Variants in ARHGEF4 observed in about 807,000 individuals in gnomAD.
ARHGEF4 encodes Rho guanine nucleotide exchange factor 4, also known as APC-stimulated guanine nucleotide exchange factor 1.
Under a neutral mutation model 162.0 loss-of-function variants are expected in ARHGEF4, and 119 were observed. The ratio of observed to expected loss-of-function variants is 0.73; its 90% confidence interval spans 0.63 to 0.86. ARHGEF4 has a LOEUF of 0.86. ARHGEF4 is among the 40% of genes least tolerant of loss of function. ARHGEF4 has a pLI of 0.00. For missense variants in ARHGEF4, 2,488 were observed against 2,456.0 expected (o/e 1.01, Z -0.28); for synonymous variants, 1,014 against 979.9 (o/e 1.03, Z -0.65).
intron 3 of ARHGEF4, among the ~76,000 whole-genome samples, chr2:130,936,912 T>C (rs1224512365): frequency 2.1e-5 from 3 of 142,348 alleles, no homozygotes; most frequent in South Asian, 4.6e-4. Flanking sequence ...TTTCTTTTTT[T>C]TTTTTTTTTT....
chr2:131,019,803 T>G (rs1400961294), intron 4 of ARHGEF4, among the ~76,000 whole-genome samples: 4 of 152,108 alleles, frequency 2.6e-5, no homozygotes, highest in Non-Finnish European at 4.4e-5. Flanking sequence ...CCGGCTAATT[T>G]TTTTGTATTT....
At position 131,040,515 on chromosome 2, in the gene ARHGEF4, G is replaced by T. The variant is rs1690723005; in HGVS notation, c.4662+75G>T. 5 of 1,457,648 alleles carry T rather than the reference G, an allele frequency of 3.4e-6. No individual in the cohort carries two copies. The East Asian group carries it at 9.9e-5, about 29-fold the overall frequency. 90.3% of individuals were successfully genotyped at this position (1,457,648 alleles called of 1,614,324 possible). On this transcript the variant is annotated intron_variant, in intron 8 of 13. Coordinates refer to ENST00000409359, the MANE Select transcript of ARHGEF4 (RefSeq NM_001367493.1). ...TGCCGCGGGCGCCAGCGCGGACAGC[G>T]GGTGGCTGGTCCCAAAACCTTCCAC... is the stretch of plus-strand genomic sequence containing the variant.
At chr2:130,990,490 C>T (rs1442164334) in intron 4 of ARHGEF4, among the ~76,000 whole-genome samples, 52 of 152,094 alleles carry the variant, frequency 3.4e-4, no homozygotes, top group Admixed American at 2.9e-3. Context: ...AAAGAACTTC[C>T]CAGTTCTGCA....
At chr2:130,946,729 G>T (rs934732463) in intron 4 of ARHGEF4, 94 bp downstream of exon 4, 36 of 1,551,290 alleles carry the variant, frequency 2.3e-5, no homozygotes, top group Non-Finnish European at 3.1e-5. Flanking sequence ...CCACTTGCCT[G>T]GTAGAAGTAG....
intron 4 of ARHGEF4, among the ~76,000 whole-genome samples, chr2:130,998,112 C>T (rs528605401): frequency 6.6e-6 from 1 of 152,282 alleles, no homozygotes; most frequent in Admixed American, 6.5e-5. Flanking sequence ...CTCTTGATGC[C>T]CACTTCTACA....
At chr2:130,874,437 G>A (rs1268825214) in intron 1 of ARHGEF4, among the ~76,000 whole-genome samples, 3 of 152,190 alleles carry the variant, frequency 2.0e-5, no homozygotes, top group Non-Finnish European at 4.4e-5. Context: ...CTGTCTGTGT[G>A]GCCTTGGAGG....
chr2:130,973,476 A>T (rs1163941482), intron 4 of ARHGEF4, among the ~76,000 whole-genome samples: 1 of 152,168 alleles, frequency 6.6e-6, no homozygotes, highest in Non-Finnish European at 1.5e-5. Context: ...GTGGCAGAGC[A>T]AGACTGTGTC....
intron 6 of ARHGEF4, chr2:131,039,744 C>T (rs1428458185): frequency 6.6e-6 from 9 of 1,356,028 alleles, no homozygotes; most frequent in Non-Finnish European, 8.5e-6. Context: ...GCAAGCGCTC[C>T]AGCCTCTGTG....
chr2:130,989,843 G>C (rs1244820664), intron 4 of ARHGEF4, among the ~76,000 whole-genome samples: 1 of 152,196 alleles, frequency 6.6e-6, no homozygotes, highest in Non-Finnish European at 1.5e-5. Context: ...ATCTAATCTG[G>C]AGCCTGAGTT....
intron 4 of ARHGEF4, among the ~76,000 whole-genome samples, chr2:131,013,674 C>T (rs1362893428): frequency 5.2e-4 from 79 of 152,210 alleles, no homozygotes; most frequent in Non-Finnish European, 1.9e-4. Flanking sequence ...GATCTTGGCT[C>T]ACTGCAACCT....
intron 2 of ARHGEF4, among the ~76,000 whole-genome samples, chr2:130,920,892 T>C (rs1681832346): frequency 6.6e-6 from 1 of 152,156 alleles, no homozygotes; most frequent in Admixed American, 6.5e-5. Flanking sequence ...AGTCAAGAAA[T>C]AGAGAAGACT....
At chr2:130,884,568 T>C (rs1679394423) in intron 1 of ARHGEF4, among the ~76,000 whole-genome samples, 1 of 152,100 alleles carries the variant, frequency 6.6e-6, no homozygotes, top group African/African-American at 2.4e-5. Flanking sequence ...ATATGGTGGC[T>C]GGCATGATTT....
intron 6 of ARHGEF4, 107 bp from the exon 7 acceptor site, chr2:131,039,909 G>A (rs778516310): frequency 1.4e-6 from 2 of 1,472,828 alleles, no homozygotes; most frequent in South Asian, 1.4e-5. Context: ...CCTGCGCCCC[G>A]TACACCCTGC....
chr2:130,914,334 G>A lies in ARHGEF4; in HGVS notation c.388G>A (p.Glu130Lys). Residue 130 changes from glutamate to lysine, a missense_variant, in exon 2 of 14, where the codon GAA (glutamate) becomes AAA (lysine). Transcript: ENST00000409359. The part of the protein sequence containing the change: ...TSVPGLHAKE[E>K]LDLSPSLEDD... Reference sequence around the variant, plus strand: ...TGTTCCTGGGCTTCATGCAAAGGAAGAACTCGATTTGTCCCCTAGCTTAGA... The same window carrying A: ...TGTTCCTGGGCTTCATGCAAAGGAAAAACTCGATTTGTCCCCTAGCTTAGA... The A allele has an allele frequency of 6.8e-7, 1 of 1,470,282 alleles. No individual in the cohort carries two copies. Among genetic ancestry groups the A allele is most frequent in the Non-Finnish European group, 9.0e-7 (1 of 1,114,994 alleles). 91.1% of individuals were successfully genotyped at this position (1,470,282 alleles called of 1,614,324 possible).
At chr2:131,021,719 A>G in intron 4 of ARHGEF4, among the ~76,000 whole-genome samples, 1 of 152,224 alleles carries the variant, frequency 6.6e-6, no homozygotes, top group East Asian at 1.9e-4. Context: ...AGAAGTGGAG[A>G]AAGCAGGCAT....
intron 4 of ARHGEF4, among the ~76,000 whole-genome samples, chr2:130,991,215 A>G (rs549032568): frequency 1.3e-5 from 2 of 152,386 alleles, no homozygotes; most frequent in Admixed American, 1.3e-4. Context: ...GGGTGGGGGC[A>G]GATGACCCAC....
intron 4 of ARHGEF4, among the ~76,000 whole-genome samples, chr2:131,010,380 G>A (rs547398788): frequency 2.6e-5 from 4 of 152,290 alleles, no homozygotes; most frequent in East Asian, 1.9e-4. Context: ...TCAGATAGCC[G>A]TTTTGTTGTG....
intron 1 of ARHGEF4, among the ~76,000 whole-genome samples, chr2:130,866,010 G>C (rs1306579155): frequency 6.6e-6 from 1 of 152,120 alleles, no homozygotes; most frequent in Non-Finnish European, 1.5e-5. Flanking sequence ...CAAATCCTGG[G>C]TCTTTTCTTC....
intron 4 of ARHGEF4, among the ~76,000 whole-genome samples, chr2:130,992,307 G>A (rs946732476): frequency 1.3e-5 from 2 of 152,082 alleles, no homozygotes; most frequent in African/African-American, 4.8e-5. Flanking sequence ...TCCACACTGT[G>A]GAAGCTTTAT....
Sources: gnomAD v4.1 joint callset for allele counts (sites outside exome capture counted in the v4.1 genomes callset) on GRCh38, gnomAD v4.1.1 for gene constraint, MANE v1.5 for transcripts, NCBI Gene and HGNC (gene_info 2026-07-23, HGNC 2026-07-21) for gene names.